Variants in DLG2 observed in about 807,000 individuals in gnomAD.
DLG2 encodes the protein discs large MAGUK scaffold protein 2, also known as disks large homolog 2.
A neutral mutation model predicts 132.5 loss-of-function variants in DLG2; 45 were observed. The observed-to-expected ratio is 0.34, with a 90% CI of 0.27 to 0.44. DLG2 has a LOEUF of 0.44. DLG2 is among the 20% of genes least tolerant of loss of function. The pLI is 1.00. For synonymous variants in DLG2, 424 were observed against 419.6 expected (o/e 1.01, Z -0.13); for missense variants, 1,045 against 1,196.9 (o/e 0.87, Z 1.87).
At chr11:84,602,587 T>C (rs1222892226) in intron 6 of DLG2, among the ~76,000 whole-genome samples, 2 of 152,016 alleles carry the variant, frequency 1.3e-5, no homozygotes. Flanking sequence ...TGATCCCATC[T>C]ACATATATTA....
chr11:84,656,753 T>A (rs1347953140), intron 6 of DLG2, among the ~76,000 whole-genome samples: 1 of 152,150 alleles, frequency 6.6e-6, no homozygotes, highest in African/African-American at 2.4e-5. Context: ...AACCCTGGTA[T>A]CTTCATCTGT....
intron 14 of DLG2, among the ~76,000 whole-genome samples, chr11:83,961,178 C>T (rs756043019): frequency 6.6e-6 from 1 of 151,982 alleles, no homozygotes; most frequent in Non-Finnish European, 1.5e-5. Flanking sequence ...ATCACAACAA[C>T]CTATTGAGAT....
rs559373617 is a variant in DLG2 at position 84,802,303 on chromosome 11, G to A, written c.358-267572C>T. Among the ~76,000 whole-genome samples the A allele has an allele frequency of 2.6e-5, 4 of 152,180 alleles. No homozygotes were observed. In the South Asian group the frequency reaches 8.3e-4, roughly 32 times the overall value. On this transcript the variant is annotated intron_variant, in intron 6 of 27. Coordinates refer to ENST00000376104, the MANE Select transcript of DLG2 (RefSeq NM_001142699.3). ...GGAAAGATGGAATTCCAAAGATAATGTAATAAAGGGAGGTATGATAGGTTA... is the reference window on the plus strand; with the variant it reads ...GGAAAGATGGAATTCCAAAGATAATATAATAAAGGGAGGTATGATAGGTTA...
intron 6 of DLG2, among the ~76,000 whole-genome samples, chr11:85,042,392 C>G (rs546080692): frequency 6.6e-6 from 1 of 152,104 alleles, no homozygotes; most frequent in Admixed American, 6.6e-5. Context: ...TGGTACTAGG[C>G]ACTACACTAA....
At chr11:84,767,049 C>T (rs1366562493) in intron 6 of DLG2, among the ~76,000 whole-genome samples, 2 of 151,992 alleles carry the variant, frequency 1.3e-5, no homozygotes, top group African/African-American at 4.8e-5. Flanking sequence ...TTGGGAAAGT[C>T]ATTAAACCAT....
At chr11:84,665,434 C>T (rs2099698845) in intron 6 of DLG2, among the ~76,000 whole-genome samples, 1 of 152,118 alleles carries the variant, frequency 6.6e-6, no homozygotes, top group African/African-American at 2.4e-5. Flanking sequence ...TACCACCTAT[C>T]TATCTATCAG....
chr11:85,221,768 G>T (rs915592774), intron 4 of DLG2, among the ~76,000 whole-genome samples: 1 of 152,296 alleles, frequency 6.6e-6, no homozygotes, highest in East Asian at 1.9e-4. Context: ...GGTCATATCT[G>T]ATGGCAAAAT....
At chr11:84,729,439 G>C (rs183156038) in intron 6 of DLG2, among the ~76,000 whole-genome samples, 8 of 152,136 alleles carry the variant, frequency 5.3e-5, no homozygotes, top group African/African-American at 1.9e-4. Flanking sequence ...TGTGGTCCGA[G>C]AGACTGTTTG....
chr11:84,500,468 A>G (rs918465278), intron 7 of DLG2, among the ~76,000 whole-genome samples: 5 of 152,208 alleles, frequency 3.3e-5, no homozygotes, highest in Non-Finnish European at 7.4e-5. Flanking sequence ...ACTAGGTTCA[A>G]CCACAGGCAA....
rs2072431650 is a variant in DLG2 at position 84,784,328 on chromosome 11, ATAAATAAAT to A, written c.358-249606_358-249598del. On this transcript the variant is annotated intron_variant, in intron 6 of 27. Transcript: ENST00000376104. ...AGAGCGAAACTCCACCTCAAAATAA[ATAAATAAAT>A]AAATAAATAAATAAATAAATAAATA... Among the ~76,000 whole-genome samples, 5 of 133,614 alleles carry A rather than the reference ATAAATAAAT, an allele frequency of 3.7e-5. No individual in the cohort carries two copies. In the South Asian group the frequency reaches 9.1e-4, roughly 24 times the overall value. 87.7% of individuals were successfully genotyped at this position (133,614 alleles called of 152,430 possible). A position where few individuals can be genotyped will look rare whatever the true frequency, so the allele number is the denominator to read the frequency against.
chr11:85,034,508 G>A (rs2061294138), intron 6 of DLG2, among the ~76,000 whole-genome samples: 1 of 152,136 alleles, frequency 6.6e-6, no homozygotes, highest in African/African-American at 2.4e-5. Context: ...GTAAGCCAAC[G>A]TGAAGTAACA....
chr11:84,473,405 A>G (rs1315892564), intron 7 of DLG2, among the ~76,000 whole-genome samples: 1 of 152,020 alleles, frequency 6.6e-6, no homozygotes, highest in African/African-American at 2.4e-5. Context: ...GGAAGTGTGC[A>G]GGTGTCTCTT....
intron 3 of DLG2, among the ~76,000 whole-genome samples, chr11:85,519,043 C>T (rs1005278613): frequency 7.2e-5 from 11 of 152,244 alleles, no homozygotes; most frequent in African/African-American, 2.6e-4. Context: ...ACCCGGATAC[C>T]GAGACAGAAG....
At chr11:83,792,991 A>G (rs1415305135) in intron 17 of DLG2, among the ~76,000 whole-genome samples, 1 of 152,162 alleles carries the variant, frequency 6.6e-6, no homozygotes, top group Admixed American at 6.5e-5. Context: ...TGATAGGTAA[A>G]CAATTTTATT....
At chr11:83,819,490 A>G (rs1437426878) in intron 17 of DLG2, among the ~76,000 whole-genome samples, 1 of 131,190 alleles carries the variant, frequency 7.6e-6, no homozygotes, top group East Asian at 2.3e-4. Flanking sequence ...AAAAAAAAAA[A>G]AAGAAGAAAA....
chr11:83,778,992 T>G (rs1199544720), intron 18 of DLG2, among the ~76,000 whole-genome samples: 2 of 152,076 alleles, frequency 1.3e-5, no homozygotes, highest in Non-Finnish European at 2.9e-5. Flanking sequence ...TGTACATGTG[T>G]GGGAGAGAGT....
chr11:83,573,537 G>T (rs1159934415), intron 19 of DLG2, among the ~76,000 whole-genome samples: 1 of 152,010 alleles, frequency 6.6e-6, no homozygotes. Context: ...ACAATACACT[G>T]CCCGTCCCAG....
chr11:84,774,136 C>G (rs2069957240), intron 6 of DLG2, among the ~76,000 whole-genome samples: 1 of 151,850 alleles, frequency 6.6e-6, no homozygotes, highest in South Asian at 2.1e-4. Flanking sequence ...TTGTAAATAC[C>G]AATAAAGTTC....
intron 22 of DLG2, among the ~76,000 whole-genome samples, chr11:83,483,053 A>T (rs1440442063): frequency 6.6e-6 from 1 of 152,146 alleles, no homozygotes; most frequent in Non-Finnish European, 1.5e-5. Context: ...AGTGCCTGAT[A>T]CATTTTGCTT....
Sources: gnomAD v4.1 joint callset for allele counts (sites outside exome capture counted in the v4.1 genomes callset) on GRCh38, gnomAD v4.1.1 for gene constraint, MANE v1.5 for transcripts, NCBI Gene and HGNC (gene_info 2026-07-23, HGNC 2026-07-21) for gene names.